GRIP1: variants seen among roughly 807,000 people sequenced by gnomAD.
GRIP1 encodes glutamate receptor-interacting protein 1.
A neutral mutation model predicts 129.9 loss-of-function variants in GRIP1; 45 were observed. The observed-to-expected ratio is 0.35, with a 90% CI of 0.27 to 0.44. The LOEUF (loss-of-function observed/expected upper bound fraction) is 0.44, where lower values mean the gene tolerates loss of function less well. Ranked by LOEUF, GRIP1 falls within the 20% of genes least tolerant of loss-of-function variation. The pLI is 1.00. For synonymous variants in GRIP1, 530 were observed against 520.8 expected (o/e 1.02, Z -0.24); for missense variants, 1,196 against 1,396.8 (o/e 0.86, Z 2.29).
chr12:66,664,768 C>T (rs1229172985), intron 1 of GRIP1, among the ~76,000 whole-genome samples: 1 of 152,044 alleles, frequency 6.6e-6, no homozygotes, highest in Non-Finnish European at 1.5e-5. Context: ...TTATGATAAG[C>T]ATGAAATAAA....
At chr12:66,769,283 A>G (rs2037743269) in intron 1 of GRIP1, among the ~76,000 whole-genome samples, 2 of 149,436 alleles carry the variant, frequency 1.3e-5, no homozygotes, top group Admixed American at 1.3e-4. Context: ...GACCACTGCC[A>G]TCAGCATCCC....
intron 1 of GRIP1, among the ~76,000 whole-genome samples, chr12:66,904,233 C>T (rs552748885): frequency 2.0e-5 from 3 of 152,278 alleles, no homozygotes; most frequent in South Asian, 2.1e-4. Context: ...TTAGTAGAGA[C>T]GTTTTCAACC....
intron 7 of GRIP1, among the ~76,000 whole-genome samples, chr12:66,484,901 T>A (rs563868933): frequency 6.6e-6 from 1 of 152,318 alleles, no homozygotes; most frequent in South Asian, 2.1e-4. Context: ...TCTGAGTTGA[T>A]CATTATACAC....
chr12:66,445,011 G>A (rs572595511), intron 12 of GRIP1, among the ~76,000 whole-genome samples: 6 of 152,294 alleles, frequency 3.9e-5, no homozygotes, highest in African/African-American at 1.4e-4. Context: ...TAGTAATGAT[G>A]AATGTATATT....
chr12:66,831,109 C>T (rs2039509172), intron 1 of GRIP1, among the ~76,000 whole-genome samples: 1 of 152,128 alleles, frequency 6.6e-6, no homozygotes, highest in Non-Finnish European at 1.5e-5. Context: ...TCGCCTCGGC[C>T]TCCCAAAGTG....
At position 66,458,593 on chromosome 12, in the gene GRIP1, C is replaced by T. The variant is rs896505974; in HGVS notation, c.1043-2251G>A. ...AGAGATGGGGTTTTGCCATGTTAGC[C>T]AGGCTGGTCTCAAACTCCCGACCTC... is the stretch of plus-strand genomic sequence containing the variant. On this transcript the variant is annotated intron_variant, in intron 9 of 24. Transcript: ENST00000359742. 5.9e-5 allele frequency among the ~76,000 whole-genome samples: 9 copies of T among 152,296 alleles called. No individual in the cohort carries two copies. In the East Asian group the frequency reaches 7.7e-4, roughly 13 times the overall value.
intron 7 of GRIP1, among the ~76,000 whole-genome samples, chr12:66,510,433 T>G (rs1245059988): frequency 1.3e-5 from 2 of 152,126 alleles, no homozygotes; most frequent in African/African-American, 4.8e-5. Flanking sequence ...ACTTAAAAAT[T>G]TATATCTTCT....
intron 1 of GRIP1, among the ~76,000 whole-genome samples, chr12:67,018,518 T>A (rs1002356480): frequency 2.2e-4 from 33 of 152,232 alleles, no homozygotes; most frequent in African/African-American, 7.7e-4. Context: ...GTGCCTGGTT[T>A]TCCTTGGATT....
chr12:66,879,017 G>A (rs1299235519), intron 1 of GRIP1, among the ~76,000 whole-genome samples: 2 of 151,876 alleles, frequency 1.3e-5, no homozygotes, highest in African/African-American at 4.8e-5. Context: ...GCAGGGAGAT[G>A]AAGCAGCAGC....
At chr12:66,473,788 A>C (rs2059517884) in intron 7 of GRIP1, among the ~76,000 whole-genome samples, 1 of 152,232 alleles carries the variant, frequency 6.6e-6, no homozygotes, top group African/African-American at 2.4e-5. Context: ...TAGCATCAAC[A>C]TCAATGAAAG....
chr12:67,062,039 G>A (rs1231387423), intron 1 of GRIP1, among the ~76,000 whole-genome samples: 2 of 152,094 alleles, frequency 1.3e-5, no homozygotes, highest in Non-Finnish European at 2.9e-5. Context: ...TGCACGGCCT[G>A]AAACAGAGCA....
intron 7 of GRIP1, among the ~76,000 whole-genome samples, chr12:66,507,354 C>T (rs1013345678): frequency 2.6e-5 from 4 of 151,794 alleles, no homozygotes; most frequent in South Asian, 2.1e-4. Context: ...AGGAGAATGG[C>T]GTGAACCCAG....
intron 7 of GRIP1, among the ~76,000 whole-genome samples, chr12:66,501,882 T>C (rs1390724952): frequency 2.6e-5 from 4 of 152,196 alleles, no homozygotes; most frequent in African/African-American, 9.6e-5. Context: ...CAGCAGCATG[T>C]TGGCTTTACA....
At chr12:66,711,766 G>A (rs2035720374) in intron 1 of GRIP1, among the ~76,000 whole-genome samples, 1 of 151,780 alleles carries the variant, frequency 6.6e-6, no homozygotes, top group Non-Finnish European at 1.5e-5. Flanking sequence ...TGGCCTGTCT[G>A]GGTCTGCCAC....
intron 2 of GRIP1, among the ~76,000 whole-genome samples, chr12:66,544,782 G>T (rs1444116116): frequency 6.6e-6 from 1 of 152,120 alleles, no homozygotes; most frequent in Non-Finnish European, 1.5e-5. Context: ...CCTGCTTTTG[G>T]AGTTTGCTTT....
intron 1 of GRIP1, among the ~76,000 whole-genome samples, chr12:66,729,776 G>A (rs529164101): frequency 3.9e-5 from 6 of 152,162 alleles, no homozygotes; most frequent in East Asian, 1.9e-4. Flanking sequence ...GGGTTTCCCC[G>A]TGTTAGCCAG....
intron 1 of GRIP1, among the ~76,000 whole-genome samples, chr12:66,897,914 T>C (rs2040778393): frequency 6.6e-6 from 1 of 152,024 alleles, no homozygotes; most frequent in African/African-American, 2.4e-5. Flanking sequence ...CATTTTTCAA[T>C]AAAAAATAAA....
chr12:66,819,453 A>G (rs1187090657), intron 1 of GRIP1, among the ~76,000 whole-genome samples: 1 of 152,234 alleles, frequency 6.6e-6, no homozygotes, highest in Admixed American at 6.5e-5. Context: ...CATGATACAA[A>G]TACATGAATT....
rs1192954541 is a variant in GRIP1, at chr12:66,795,331, T to C, written c.-420+8722A>G. 3.3e-5 allele frequency among the ~76,000 whole-genome samples: 5 copies of C among 152,294 alleles called. No homozygotes were observed. In the East Asian group the frequency reaches 9.7e-4, roughly 29 times the overall value. Reference sequence around the variant, plus strand: ...CAAAAATGGGGCTTCACAAATCAAATGTTATTTTCTGCACCTGAAAATTCA... The same window carrying C: ...CAAAAATGGGGCTTCACAAATCAAACGTTATTTTCTGCACCTGAAAATTCA... On this transcript the variant is annotated intron_variant, in intron 1 of 4. Coordinates refer to the GRIP1 transcript ENST00000538373.
Sources: gnomAD v4.1 joint callset for allele counts (sites outside exome capture counted in the v4.1 genomes callset) on GRCh38, gnomAD v4.1.1 for gene constraint, MANE v1.5 for transcripts, NCBI Gene and HGNC (gene_info 2026-07-23, HGNC 2026-07-21) for gene names.